Variants in ADAMTSL3 observed in about 807,000 individuals in gnomAD.
ADAMTSL3 encodes ADAMTS like 3.
Under a neutral mutation model 201.7 loss-of-function variants are expected in ADAMTSL3, and 128 were observed. That is an observed-to-expected ratio of 0.63 (90% CI 0.55 to 0.73). The LOEUF (loss-of-function observed/expected upper bound fraction) is 0.73, where lower values mean the gene tolerates loss of function less well. ADAMTSL3 is among the 30% of genes least tolerant of loss of function. The probability of loss-of-function intolerance (pLI) is 0.00; values close to 1 mark genes in which losing one functional copy is unlikely to be tolerated. For missense variants in ADAMTSL3, 1,990 were observed against 2,119.6 expected, an observed-to-expected ratio of 0.94 and a Z score of 1.20; for synonymous variants, 738 against 748.4, an observed-to-expected ratio of 0.99 and a Z score of 0.23.
At chr15:83,713,947 T>C (rs1310281127) in intron 3 of ADAMTSL3, among the ~76,000 whole-genome samples, 1 of 151,886 alleles carries the variant, frequency 6.6e-6, no homozygotes, top group African/African-American at 2.4e-5. Flanking sequence ...CACTCTGGAG[T>C]GTATTTCTTG....
intron 6 of ADAMTSL3, among the ~76,000 whole-genome samples, chr15:83,827,150 C>T (rs941900141): frequency 3.9e-5 from 6 of 152,194 alleles, no homozygotes; most frequent in African/African-American, 1.4e-4. Flanking sequence ...GTTCCTATTT[C>T]TCCACATCCT....
chr15:83,722,951 C>T (rs1195138507), intron 3 of ADAMTSL3, among the ~76,000 whole-genome samples: 3 of 151,952 alleles, frequency 2.0e-5, no homozygotes, highest in Non-Finnish European at 4.4e-5. Flanking sequence ...GATGGAGAAG[C>T]TTCAAATGAA....
intron 3 of ADAMTSL3, among the ~76,000 whole-genome samples, chr15:83,735,219 T>G (rs2062351628): frequency 6.6e-6 from 1 of 152,010 alleles, no homozygotes. Context: ...GGAATAAGAC[T>G]AAAATAAAAA....
At chr15:84,005,826 A>G (rs948290094) in intron 23 of ADAMTSL3, among the ~76,000 whole-genome samples, 15 of 152,214 alleles carry the variant, frequency 9.9e-5, no homozygotes, top group Non-Finnish European at 2.1e-4. Flanking sequence ...TCAGAAATCA[A>G]ATTGATTGGG....
At chr15:83,748,672 A>AAAAG (rs2062589837) in intron 3 of ADAMTSL3, among the ~76,000 whole-genome samples, 21 of 144,000 alleles carry the variant, frequency 1.5e-4, no homozygotes, top group African/African-American at 4.8e-4. Flanking sequence ...AAAAAAAAAA[A>AAAAG]TACCACACAC....
chr15:83,704,700 C>T (rs572325761), intron 3 of ADAMTSL3, among the ~76,000 whole-genome samples, 192 bp downstream of exon 3: 2 of 152,326 alleles, frequency 1.3e-5, no homozygotes, highest in East Asian at 3.9e-4. Flanking sequence ...ATATAATGTG[C>T]AGTTCTTTCT....
At chr15:83,790,224 A>G (rs868559990) in intron 4 of ADAMTSL3, among the ~76,000 whole-genome samples, 1 of 147,122 alleles carries the variant, frequency 6.8e-6, no homozygotes, top group Non-Finnish European at 1.5e-5. Flanking sequence ...ATACTTTCCA[A>G]TTCATTTTAT....
At chr15:83,963,269 C>T (rs916308321) in intron 19 of ADAMTSL3, among the ~76,000 whole-genome samples, 8 of 152,180 alleles carry the variant, frequency 5.3e-5, no homozygotes, top group South Asian at 2.1e-4. Flanking sequence ...TTGAAATTCT[C>T]GCTGCCAGTA....
At chr15:83,839,580 G>A (rs1198277509) in intron 7 of ADAMTSL3, among the ~76,000 whole-genome samples, 1 of 152,158 alleles carries the variant, frequency 6.6e-6, no homozygotes, top group African/African-American at 2.4e-5. Flanking sequence ...CTTGGAAGCA[G>A]GTAGTCCAAA....
intron 16 of ADAMTSL3, among the ~76,000 whole-genome samples, chr15:83,923,002 G>A (rs548961961): frequency 1.5e-4 from 23 of 151,976 alleles, no homozygotes; most frequent in African/African-American, 4.3e-4. Flanking sequence ...TTGTCCCAGC[G>A]GACAAAGAAT....
chr15:83,979,545 A>G (rs1407361676), intron 20 of ADAMTSL3, among the ~76,000 whole-genome samples: 1 of 152,238 alleles, frequency 6.6e-6, no homozygotes, highest in Non-Finnish European at 1.5e-5. Flanking sequence ...TTGTGTCTTG[A>G]ATTTTATATT....
At chr15:84,011,239 T>C (rs2068001037) in intron 23 of ADAMTSL3, among the ~76,000 whole-genome samples, 3 of 152,166 alleles carry the variant, frequency 2.0e-5, no homozygotes, top group African/African-American at 7.2e-5. Context: ...GCAAATTAAA[T>C]GTTAAACTCA....
intron 23 of ADAMTSL3, among the ~76,000 whole-genome samples, chr15:83,998,060 T>C (rs999616293): frequency 6.6e-6 from 1 of 151,412 alleles, no homozygotes; most frequent in Non-Finnish European, 1.5e-5. Flanking sequence ...TCTCTCAAAA[T>C]ACGTAGACAC....
chr15:83,862,377 G>A (rs1327682530), intron 8 of ADAMTSL3: 2 of 152,146 alleles, frequency 1.3e-5, no homozygotes, highest in East Asian at 3.8e-4. Context: ...GAGAAAGGTC[G>A]GGTTACCCAC....
At chr15:83,655,211 C>T (rs895072014) in intron 1 of ADAMTSL3, among the ~76,000 whole-genome samples, 3 of 152,130 alleles carry the variant, frequency 2.0e-5, no homozygotes, top group African/African-American at 4.8e-5. Context: ...GTGTGGGTCC[C>T]GGACCTCGAG....
intron 9 of ADAMTSL3, 146 bp downstream of exon 9, chr15:83,871,105 A>C (rs2065072970): frequency 6.3e-6 from 6 of 954,250 alleles, no homozygotes; most frequent in Non-Finnish European, 9.0e-6. Flanking sequence ...TTGGCAGTCC[A>C]TTCTTAAAAA....
chr15:83,772,087 C>G (rs1019417208), intron 3 of ADAMTSL3, among the ~76,000 whole-genome samples: 1 of 152,094 alleles, frequency 6.6e-6, no homozygotes, highest in Non-Finnish European at 1.5e-5. Context: ...CTCCTGAGCT[C>G]AGGAAATCTA....
At chr15:83,698,345 G>A (rs1596046968) in intron 2 of ADAMTSL3, among the ~76,000 whole-genome samples, 1 of 152,054 alleles carries the variant, frequency 6.6e-6, no homozygotes, top group South Asian at 2.1e-4. Flanking sequence ...TCCTTCAGCT[G>A]GATGGGGATG....
chr15:83,695,066 T>C (rs529350523), intron 2 of ADAMTSL3, among the ~76,000 whole-genome samples: 61 of 148,672 alleles, frequency 4.1e-4, no homozygotes, highest in Non-Finnish European at 7.9e-4. Context: ...TTGTGGCGTG[T>C]GCATGTATGT....
Sources: gnomAD v4.1 joint callset for allele counts (sites outside exome capture counted in the v4.1 genomes callset) on GRCh38, gnomAD v4.1.1 for gene constraint, MANE v1.5 for transcripts, NCBI Gene and HGNC (gene_info 2026-07-23, HGNC 2026-07-21) for gene names.